The following NCAPG2 variants were observed in gnomAD, a reference collection of about 807,000 sequenced individuals.
The protein encoded by NCAPG2 is non-SMC condensin II complex subunit G2, also known as condensin-2 complex subunit G2.
In NCAPG2, 53 loss-of-function variants were observed where a neutral mutation model predicts 141.1. The ratio of observed to expected loss-of-function variants is 0.38; its 90% CI spans 0.30 to 0.47. NCAPG2 has a LOEUF of 0.47. NCAPG2 is among the 20% of genes least tolerant of loss of function. The pLI, the probability that NCAPG2 is intolerant of heterozygous loss-of-function variation, is 0.99. For missense variants in NCAPG2, 1,087 were observed against 1,389.0 expected (o/e 0.78, Z 3.46); for synonymous variants, 499 against 490.7 (o/e 1.02, Z -0.22).
intron 2 of NCAPG2, among the ~76,000 whole-genome samples, chr7:158,696,917 T>C (rs929212409): frequency 5.3e-5 from 8 of 152,054 alleles, no homozygotes; most frequent in Non-Finnish European, 1.0e-4. Context: ...TATATGAGAG[T>C]GGTCCCATAA....
intron 27 of NCAPG2, among the ~76,000 whole-genome samples, chr7:158,642,150 G>A (rs943662117): frequency 6.6e-6 from 1 of 152,062 alleles, no homozygotes; most frequent in African/African-American, 2.4e-5. Context: ...AGGTCAAAGA[G>A]GAAATCACAA....
chr7:158,692,907 GAAGC>G lies in NCAPG2; in HGVS notation c.313_316del (p.Ala105LeufsTer4). 6.3e-7 allele frequency: 1 copy of G among 1,595,132 alleles called. No homozygotes were observed. The highest frequency in any genetic ancestry group is 8.6e-7 in the Non-Finnish European group (1 of 1,166,936). The stretch of plus-strand genomic sequence containing the variant: ...CTCACTTTCATTTATTACAGACACA[GAAGC>G]AAGAATCACAGATGTAATTGCATAA... On this transcript the variant is annotated frameshift_variant, in exon 4 of 28. Coordinates refer to ENST00000356309, the MANE Select transcript of NCAPG2 (RefSeq NM_017760.7). LOFTEE classifies it high-confidence loss of function.
chr7:158,675,389 C>T, intron 12 of NCAPG2, 88 bp downstream of exon 12: 2 of 1,277,466 alleles, frequency 1.6e-6, no homozygotes, highest in South Asian at 1.6e-5. Flanking sequence ...AGTAGGATTA[C>T]AGGTATTATT....
At chr7:158,690,488 T>A in intron 5 of NCAPG2, 80 bp downstream of exon 5, 4 of 1,394,570 alleles carry the variant, frequency 2.9e-6, no homozygotes, top group Non-Finnish European at 3.9e-6. Context: ...GAGGCTGCAG[T>A]GAGCTATGAT....
At chr7:158,693,702 T>A (rs1162591864) in intron 2 of NCAPG2, among the ~76,000 whole-genome samples, 2 of 152,196 alleles carry the variant, frequency 1.3e-5, no homozygotes, top group African/African-American at 4.8e-5. Context: ...TCAGAGTTTT[T>A]AAAATTTCAC....
chr7:158,674,550 A>G (rs1334715493), intron 12 of NCAPG2, among the ~76,000 whole-genome samples: 3 of 152,334 alleles, frequency 2.0e-5, no homozygotes, highest in African/African-American at 7.2e-5. Flanking sequence ...TTGGCCTCCC[A>G]AAGTGCTGGG....
chr7:158,637,053 T>C (rs1472763179), intron 27 of NCAPG2, among the ~76,000 whole-genome samples: 1 of 151,916 alleles, frequency 6.6e-6, no homozygotes, highest in Non-Finnish European at 1.5e-5. Context: ...GTTCATGCCA[T>C]TCTCCTGCCT....
chr7:158,686,126 AAAAT>A, intron 8 of NCAPG2, 42 bp downstream of exon 8: 1 of 1,183,334 alleles, frequency 8.5e-7, no homozygotes, highest in Non-Finnish European at 1.2e-6. Context: ...TTTAGTAACT[AAAAT>A]ATAATAAAAA....
chr7:158,680,765 T>C lies in NCAPG2; in HGVS notation c.976A>G (p.Met326Val). The change falls in exon 10 of 28, where the codon ATG becomes GTG. Residue 326 changes from methionine to valine, a missense_variant. By Grantham distance (21) the Met-to-Val change is conservative. Transcript: ENST00000356309. ...QKKVRQGVEE[M>V]LYRLYKPILW... ...ATGGGCTTATATAATCTATAAAGCA[T>C]CTCTTCCACTCCCTGCCGAACTTTC... is the stretch of plus-strand genomic sequence containing the variant. 1.2e-6 allele frequency: 2 copies of C among 1,605,850 alleles called. No homozygotes were observed. The highest frequency in any genetic ancestry group is 1.1e-5 in the South Asian group (1 of 88,756).
chr7:158,661,039 T>C (rs1046212341), intron 16 of NCAPG2, among the ~76,000 whole-genome samples: 1 of 152,206 alleles, frequency 6.6e-6, no homozygotes, highest in Non-Finnish European at 1.5e-5. Context: ...CCTCTTTTTC[T>C]TCATAAATTA....
chr7:158,664,269 C>G lies in NCAPG2; in HGVS notation c.1730G>C (p.Cys577Ser), dbSNP rs910613990. 6.2e-7 allele frequency: 1 copy of G among 1,613,572 alleles called. No individual in the cohort carries two copies. The highest frequency in any genetic ancestry group is 1.3e-5 in the African/African-American group (1 of 74,904). The change falls in exon 15 of 28, where the codon TGC (cysteine) becomes TCC (serine). Residue 577 changes from cysteine (C) to serine (S), a missense_variant. Cys to Ser is a moderately radical substitution (Grantham distance 112). Coordinates refer to ENST00000356309, the MANE Select transcript of NCAPG2 (RefSeq NM_017760.7). ...IAKLIHVIRH[C>S]LNACIQRAVR... The stretch of plus-strand genomic sequence containing the variant: ...TGCCCTCTGGATACAGGCATTTAAG[C>G]AATGACGAATAACGTGAATCAGCTT...
chr7:158,637,187 T>C (rs1312655739), intron 27 of NCAPG2, among the ~76,000 whole-genome samples: 3 of 152,216 alleles, frequency 2.0e-5, no homozygotes, highest in Admixed American at 2.0e-4. Context: ...GACCTCGTGA[T>C]CCACCTGCCT....
chr7:158,633,810 G>A lies in NCAPG2; in HGVS notation c.3381-2093C>T, dbSNP rs1830026413. ...CTGTCACCCAGGCTGAAGTGCAGCA[G>A]TGAGGTCACAGCTCACTGCAGCCTT... On this transcript the variant is annotated intron_variant, in intron 27 of 27. Transcript: ENST00000356309. This position sits in a 1 kb window ranked among gnomAD's most constrained non-coding sequence, Gnocchi z 4.1. Among the ~76,000 whole-genome samples the A allele has an allele frequency of 6.6e-6, 1 of 152,042 alleles. No homozygotes were observed. The highest frequency in any genetic ancestry group is 2.1e-4 in the South Asian group (1 of 4,818).
chr7:158,668,432 A>G (rs1176320122), intron 13 of NCAPG2: 8 of 984,170 alleles, frequency 8.1e-6, no homozygotes, highest in East Asian at 1.1e-4. Flanking sequence ...CTGAAGAGTT[A>G]TTCTTTTTTT....
Position 158,652,318 on chromosome 7 carries a change from C to T in NCAPG2, c.2909G>A (p.Arg970Lys). Residue 970 changes from arginine to lysine, a missense_variant, in exon 23 of 28, where the codon AGG becomes AAG. Physicochemically the swap from Arg to Lys is conservative, Grantham distance 26. Transcript: ENST00000356309. ...CCGCAGGCCTTCTTCCGGCTGCTTCCTGAAGCTCCGTGCAATACATTCCAA... is the reference window on the plus strand; with the variant it reads ...CCGCAGGCCTTCTTCCGGCTGCTTCTTGAAGCTCCGTGCAATACATTCCAA... ...KMLECIARSFRKQPEEGLRLL... is the reference protein window; with the variant it reads ...KMLECIARSFKKQPEEGLRLL... The T allele has an allele frequency of 6.2e-7, 1 of 1,613,698 alleles. No homozygotes were observed. Among genetic ancestry groups the T allele is most frequent in the Non-Finnish European group, 8.5e-7 (1 of 1,179,940 alleles).
At position 158,644,375 on chromosome 7, in the gene NCAPG2, G is replaced by GC; in HGVS notation, c.3293dup (p.Ser1098ArgfsTer27). On this transcript the variant is annotated frameshift_variant, in exon 27 of 28. Coordinates refer to ENST00000356309, the MANE Select transcript of NCAPG2 (RefSeq NM_017760.7). LOFTEE classifies it high-confidence loss of function. ...TGGCTGCAACCTCCCTCACTTTTGA[G>GC]CTTTTATGTTTACCTGGGAAAATTA... 1 of 1,613,522 alleles carries GC rather than the reference G, an allele frequency of 6.2e-7. No homozygotes were observed. The highest frequency in any genetic ancestry group is 8.5e-7 in the Non-Finnish European group (1 of 1,179,514).
chr7:158,634,703 G>A (rs1333441472), intron 27 of NCAPG2, among the ~76,000 whole-genome samples: 1 of 152,156 alleles, frequency 6.6e-6, no homozygotes, highest in Non-Finnish European at 1.5e-5. Context: ...AGATGGGAAG[G>A]GCAGTCTGGG....
intron 6 of NCAPG2, among the ~76,000 whole-genome samples, chr7:158,688,942 GGGA>G (rs1834951661): frequency 6.6e-6 from 1 of 152,118 alleles, no homozygotes; most frequent in Non-Finnish European, 1.5e-5. Flanking sequence ...ACCTCCTTCA[GGGA>G]GGAGGGATGA....
intron 24 of NCAPG2, 149 bp downstream of exon 24, chr7:158,650,683 G>A (rs1831421204): frequency 2.2e-6 from 2 of 924,834 alleles, no homozygotes; most frequent in African/African-American, 3.4e-5. Context: ...CAAACTCTGA[G>A]GTGTAGCTGC....
Sources: gnomAD v4.1 joint callset for allele counts (sites outside exome capture counted in the v4.1 genomes callset) on GRCh38, gnomAD v4.1.1 for gene constraint, Gnocchi (gnomAD v3.1) non-coding constraint, MANE v1.5 for transcripts, NCBI Gene and HGNC (gene_info 2026-07-23, HGNC 2026-07-21) for gene names.